NAP1L1: variants seen among roughly 807,000 people sequenced by gnomAD.
NAP1L1 encodes nucleosome assembly protein 1-like 1.
A neutral mutation model predicts 58.9 loss-of-function variants in NAP1L1; 9 were observed. That is an observed-to-expected ratio of 0.15 (90% CI 0.09 to 0.27). NAP1L1 has a LOEUF of 0.27. Ranked by LOEUF, NAP1L1 falls within the 10% of genes least tolerant of loss-of-function variation. The pLI, the probability that NAP1L1 is intolerant of heterozygous loss-of-function variation, is 1.00. For synonymous variants in NAP1L1, 130 were observed against 138.3 expected, an observed-to-expected ratio of 0.94 and a Z score of 0.42; for missense variants, 302 against 458.8, an observed-to-expected ratio of 0.66 and a Z score of 3.12.
chr12:76,072,688 T>G (rs566489038), intron 2 of NAP1L1, among the ~76,000 whole-genome samples: 6 of 152,282 alleles, frequency 3.9e-5, no homozygotes, highest in African/African-American at 1.2e-4. Context: ...ATGTACATAT[T>G]TCTTAATTAT....
At chr12:76,052,900 C>T (rs1948908518) in intron 11 of NAP1L1, among the ~76,000 whole-genome samples, 191 bp downstream of exon 11, 1 of 152,122 alleles carries the variant, frequency 6.6e-6, no homozygotes, top group Non-Finnish European at 1.5e-5. Flanking sequence ...AGCTTTTTAT[C>T]TCAGTGTTTC....
At chr12:76,079,918 T>C (rs912449333) in intron 1 of NAP1L1, among the ~76,000 whole-genome samples, 4 of 152,276 alleles carry the variant, frequency 2.6e-5, no homozygotes, top group Middle Eastern at 3.4e-3. Flanking sequence ...GGTCTGGAAA[T>C]TCTGGGCTCC....
chr12:76,054,992 AT>A, intron 8 of NAP1L1, 26 bp downstream of exon 8: 2 of 1,535,392 alleles, frequency 1.3e-6, no homozygotes. Flanking sequence ...ATGTTACAAA[AT>A]TATAAATATT....
chr12:76,073,982 G>A, intron 2 of NAP1L1: 1 of 421,678 alleles, frequency 2.4e-6, no homozygotes, highest in South Asian at 5.7e-5. Context: ...GTGACAAATG[G>A]TTTAGTATAT....
intron 4 of NAP1L1, among the ~76,000 whole-genome samples, chr12:76,062,896 A>T (rs1009389254): frequency 2.0e-5 from 3 of 152,210 alleles, no homozygotes; most frequent in African/African-American, 4.8e-5. Context: ...AGAAAATTCT[A>T]AAGGTGTCCA....
Position 76,045,162 on chromosome 12 carries a change from A to G in NAP1L1, c.*3267T>C, listed in dbSNP as rs1251945901. On this transcript the variant is annotated 3_prime_UTR_variant, in exon 15 of 15. Transcript: ENST00000618691. ...GAATTAGCACATATTTCTCTTTTCT[A>G]AAGCTCCTATGAAGAACTTACACTC... 1 of 152,082 alleles carries G rather than the reference A, an allele frequency of 6.6e-6. No homozygotes were observed. Among genetic ancestry groups the G allele is most frequent in the Non-Finnish European group, 1.5e-5 (1 of 67,950 alleles). The allele number at this position is 152,082 out of a possible 1,614,324, so 9.4% of individuals were successfully genotyped here.
intron 11 of NAP1L1, among the ~76,000 whole-genome samples, chr12:76,050,889 C>T (rs547451360): frequency 6.6e-6 from 1 of 151,586 alleles, no homozygotes; most frequent in South Asian, 2.1e-4. Context: ...CAGGGTGGCA[C>T]ACGCCTGTAG....
At chr12:76,050,467 A>G (rs1592608765) in intron 12 of NAP1L1, 64 bp downstream of exon 12, 9 of 1,518,686 alleles carry the variant, frequency 5.9e-6, no homozygotes, top group South Asian at 5.4e-5. Flanking sequence ...AAACTAATCT[A>G]TTACCAATTC....
chr12:76,058,771 T>C (rs1421153560), intron 6 of NAP1L1, among the ~76,000 whole-genome samples: 1 of 152,226 alleles, frequency 6.6e-6, no homozygotes, highest in Non-Finnish European at 1.5e-5. Flanking sequence ...GATCTAAAGC[T>C]GAGTGATTTT....
chr12:76,074,046 T>C, intron 2 of NAP1L1, 157 bp downstream of exon 2: 1 of 621,840 alleles, frequency 1.6e-6, no homozygotes, highest in South Asian at 2.3e-5. Context: ...ATATTCTATA[T>C]TTTACCTTGA....
chr12:76,072,321 A>G (rs1241905899), intron 2 of NAP1L1, among the ~76,000 whole-genome samples: 1 of 151,782 alleles, frequency 6.6e-6, no homozygotes, highest in Non-Finnish European at 1.5e-5. Flanking sequence ...AAAAACAAAA[A>G]AACAGGAAGA....
chr12:76,045,641 C>A lies in NAP1L1; in HGVS notation c.*2788G>T, dbSNP rs753922312. 6.6e-6 allele frequency: 1 copy of A among 151,966 alleles called. No homozygotes were observed. Among genetic ancestry groups the A allele is most frequent in the Non-Finnish European group, 1.5e-5 (1 of 67,888 alleles). 9.4% of individuals were successfully genotyped at this position (151,966 alleles called of 1,614,324 possible). ...ATTTTTGCAATCTAAAATAGTGATG[C>A]TAATACTGCTTCAGTAAGCTAGATT... On this transcript the variant is annotated 3_prime_UTR_variant, in exon 15 of 15. Coordinates refer to ENST00000618691, the MANE Select transcript of NAP1L1 (RefSeq NM_004537.7).
At chr12:76,064,097 A>T (rs1352205782) in intron 4 of NAP1L1, among the ~76,000 whole-genome samples, 2 of 152,116 alleles carry the variant, frequency 1.3e-5, no homozygotes, top group African/African-American at 4.8e-5. Flanking sequence ...GTGAGCCATG[A>T]GTGTGCCACT....
intron 4 of NAP1L1, chr12:76,060,910 T>G (rs930796242): frequency 2.6e-5 from 7 of 265,820 alleles, no homozygotes; most frequent in Non-Finnish European, 5.4e-5. Context: ...CTGGGCAACA[T>G]GACAAAACCC....
rs529365249 is a variant in NAP1L1 at position 76,037,518 on chromosome 12, C to T, written c.*10911G>A. 9 of 152,362 alleles carry T rather than the reference C, an allele frequency of 5.9e-5. No individual in the cohort carries two copies. In the South Asian group the frequency reaches 1.9e-3, roughly 32 times the overall value. 9.4% of individuals were successfully genotyped at this position (152,362 alleles called of 1,614,324 possible). On this transcript the variant is annotated 3_prime_UTR_variant, in exon 15 of 15. Transcript: ENST00000618691. The stretch of plus-strand genomic sequence containing the variant: ...CATACACATGGCCTTCAGTTTTACT[C>T]TTAAAACATGACAGAAAACTTCTAT...
In NAP1L1 at chr12:76,037,096, T is replaced by G. The variant is rs896374102; in HGVS notation, c.*11333A>C. 1 of 152,020 alleles carries G rather than the reference T, an allele frequency of 6.6e-6. No individual in the cohort carries two copies. The highest frequency in any genetic ancestry group is 2.4e-5 in the African/African-American group (1 of 41,374). The allele number at this position is 152,020 out of a possible 1,614,324, so 9.4% of individuals were successfully genotyped here. The stretch of plus-strand genomic sequence containing the variant: ...ATAAATAATTAAATAAATAAACAAA[T>G]AGTCTCACAGAGTGCAGTTTAGACT... On this transcript the variant is annotated 3_prime_UTR_variant, in exon 15 of 15. Coordinates refer to ENST00000618691, the MANE Select transcript of NAP1L1 (RefSeq NM_004537.7).
intron 4 of NAP1L1, among the ~76,000 whole-genome samples, chr12:76,066,379 C>T (rs1949672210): frequency 6.6e-6 from 1 of 151,848 alleles, no homozygotes; most frequent in Non-Finnish European, 1.5e-5. Flanking sequence ...CCAGAGGACT[C>T]CATGGATAAA....
intron 4 of NAP1L1, among the ~76,000 whole-genome samples, chr12:76,066,594 C>CA (rs1173599517): frequency 6.6e-6 from 1 of 152,004 alleles, no homozygotes; most frequent in Non-Finnish European, 1.5e-5. Context: ...ACAAATAAGA[C>CA]AAAATGAGTC....
Position 76,048,115 on chromosome 12 carries a change from AGGT to A in NAP1L1, c.*311_*313del. The A allele has an allele frequency of 3.2e-6, 1 of 312,022 alleles. No homozygotes were observed. Among genetic ancestry groups the A allele is most frequent in the Non-Finnish European group, 5.8e-6 (1 of 171,350 alleles). The allele number at this position is 312,022 out of a possible 1,614,324, so 19.3% of individuals were successfully genotyped here. A position where few individuals can be genotyped will look rare whatever the true frequency, so the allele number is the denominator to read the frequency against. On this transcript the variant is annotated 3_prime_UTR_variant, in exon 15 of 15. Coordinates refer to ENST00000618691, the MANE Select transcript of NAP1L1 (RefSeq NM_004537.7). ...GGAAAAAATTACAAAAAAAAAAAAA[AGGT>A]ATTTCCTTTAACAGTTGTTAATTTT...
Sources: gnomAD v4.1 joint callset for allele counts (sites outside exome capture counted in the v4.1 genomes callset) on GRCh38, gnomAD v4.1.1 for gene constraint, MANE v1.5 for transcripts, NCBI Gene and HGNC (gene_info 2026-07-23, HGNC 2026-07-21) for gene names.